The following RSRC1 variants were observed in gnomAD, a reference collection of about 807,000 sequenced individuals.
RSRC1 encodes the protein arginine and serine rich coiled-coil 1.
RSRC1 carries 39 observed loss-of-function variants against 49.1 expected under a neutral mutation model. The ratio of observed to expected loss-of-function variants is 0.79; its 90% CI spans 0.61 to 1.04. The LOEUF is 1.04. RSRC1 is among the 50% of genes least tolerant of loss of function. The probability of loss-of-function intolerance (pLI) is 0.00; values close to 1 mark genes in which losing one functional copy is unlikely to be tolerated. For synonymous variants in RSRC1, 143 were observed against 130.8 expected (o/e 1.09, Z -0.63); for missense variants, 388 against 402.4 (o/e 0.96, Z 0.31).
chr3:158,443,810 G>C (rs778126351), intron 6 of RSRC1, among the ~76,000 whole-genome samples: 8 of 152,156 alleles, frequency 5.3e-5, no homozygotes, highest in Non-Finnish European at 1.2e-4. Context: ...TTCATATGAA[G>C]TGAGAGATGT....
chr3:158,458,616 T>C (rs1737464060), intron 6 of RSRC1, among the ~76,000 whole-genome samples: 1 of 152,136 alleles, frequency 6.6e-6, no homozygotes, highest in Non-Finnish European at 1.5e-5. Context: ...CTGGAACTTG[T>C]GTACAAGATT....
intron 7 of RSRC1, among the ~76,000 whole-genome samples, chr3:158,466,242 C>G (rs558690154): frequency 3.3e-5 from 5 of 152,212 alleles, no homozygotes; most frequent in African/African-American, 1.2e-4. Flanking sequence ...CATACACATT[C>G]AGCTATACTC....
At chr3:158,277,894 C>A (rs1725906920) in intron 4 of RSRC1, among the ~76,000 whole-genome samples, 1 of 152,152 alleles carries the variant, frequency 6.6e-6, no homozygotes, top group Non-Finnish European at 1.5e-5. Context: ...TGAAGCAATC[C>A]TCTCACTCAG....
At chr3:158,152,541 G>C (rs1282604371) in intron 3 of RSRC1, among the ~76,000 whole-genome samples, 1 of 152,100 alleles carries the variant, frequency 6.6e-6, no homozygotes, top group Non-Finnish European at 1.5e-5. Context: ...AATAAAAGCT[G>C]TACCAATAAA....
At chr3:158,291,027 A>G (rs375882776) in intron 4 of RSRC1, among the ~76,000 whole-genome samples, 258 of 152,196 alleles carry the variant, frequency 1.7e-3, no homozygotes, top group African/African-American at 5.2e-3. Flanking sequence ...GGCCCTACCT[A>G]TCTCTACAAA....
chr3:158,425,307 A>G (rs761026468), intron 6 of RSRC1, among the ~76,000 whole-genome samples: 2 of 152,050 alleles, frequency 1.3e-5, no homozygotes, highest in African/African-American at 2.4e-5. Context: ...TTCAAAGAAC[A>G]TCTTTATTTC....
chr3:158,440,051 T>A (rs780926993), intron 6 of RSRC1, among the ~76,000 whole-genome samples: 7 of 151,994 alleles, frequency 4.6e-5, no homozygotes, highest in Non-Finnish European at 1.0e-4. Context: ...GGTTGATAGG[T>A]GCAGCAAACT....
chr3:158,158,809 T>C (rs1302382979), intron 3 of RSRC1, among the ~76,000 whole-genome samples: 1 of 151,952 alleles, frequency 6.6e-6, no homozygotes, highest in East Asian at 1.9e-4. Context: ...CCTGGTGGCC[T>C]GTGCCTGTAA....
At chr3:158,528,226 A>G (rs908609759) in intron 7 of RSRC1, among the ~76,000 whole-genome samples, 1 of 151,970 alleles carries the variant, frequency 6.6e-6, no homozygotes, top group African/African-American at 2.4e-5. Flanking sequence ...GCAGTAATTT[A>G]TGAGCTCAGC....
intron 4 of RSRC1, among the ~76,000 whole-genome samples, chr3:158,242,262 C>G (rs1723640570): frequency 6.6e-6 from 1 of 151,934 alleles, no homozygotes; most frequent in Non-Finnish European, 1.5e-5. Context: ...TCCATGTATT[C>G]TCATCATTCA....
chr3:158,110,489 T>C (rs1010493260), intron 1 of RSRC1: 4 of 152,632 alleles, frequency 2.6e-5, no homozygotes, highest in Admixed American at 2.0e-4. Flanking sequence ...CTTGAGGACA[T>C]GTCGGAGAGT....
chr3:158,318,781 T>C (rs1273853979), intron 5 of RSRC1, among the ~76,000 whole-genome samples: 1 of 152,232 alleles, frequency 6.6e-6, no homozygotes, highest in Non-Finnish European at 1.5e-5. Flanking sequence ...ACATTACACA[T>C]TCTGTTAAGG....
chr3:158,535,978 C>A (rs1712690011), intron 7 of RSRC1, among the ~76,000 whole-genome samples: 1 of 151,376 alleles, frequency 6.6e-6, no homozygotes, highest in South Asian at 2.1e-4. Flanking sequence ...GATAGAGTAT[C>A]ACCATTTTAC....
chr3:158,176,254 C>T (rs1366380060), intron 3 of RSRC1, among the ~76,000 whole-genome samples: 1 of 152,164 alleles, frequency 6.6e-6, no homozygotes, highest in Non-Finnish European at 1.5e-5. Context: ...TCAGTGCCAT[C>T]CCCATCAAGT....
At chr3:158,489,648 T>C (rs565765437) in intron 7 of RSRC1, among the ~76,000 whole-genome samples, 2 of 152,208 alleles carry the variant, frequency 1.3e-5, no homozygotes, top group African/African-American at 4.8e-5. Flanking sequence ...AAATTTAGTG[T>C]GATGTATGTT....
intron 7 of RSRC1, among the ~76,000 whole-genome samples, chr3:158,497,964 G>T (rs1739426062): frequency 6.6e-6 from 1 of 152,086 alleles, no homozygotes; most frequent in Admixed American, 6.6e-5. Context: ...TTATCCACTT[G>T]TTGATTGATG....
At chr3:158,136,118 T>C (rs911818062) in intron 3 of RSRC1, among the ~76,000 whole-genome samples, 10 of 152,210 alleles carry the variant, frequency 6.6e-5, no homozygotes, top group Non-Finnish European at 1.5e-4. Context: ...TTTGAAATTA[T>C]AGAAGGTGGC....
Position 158,223,807 on chromosome 3 carries a change from T to C in RSRC1, c.494+20562T>C, listed in dbSNP as rs568316009. On this transcript the variant is annotated intron_variant, in intron 4 of 9. Transcript: ENST00000611884. ...TCAAGATGCTGTAGCCACACTGTTC[T>C]TTCCATTCTCTAGACCTTTGCAATT... Among the ~76,000 whole-genome samples the C allele has an allele frequency of 1.5e-4, 23 of 151,876 alleles. No individual in the cohort carries two copies. The South Asian group carries it at 4.8e-3, about 32-fold the overall frequency.
intron 7 of RSRC1, among the ~76,000 whole-genome samples, chr3:158,500,411 C>G (rs573072303): frequency 6.6e-6 from 1 of 152,158 alleles, no homozygotes; most frequent in East Asian, 1.9e-4. Context: ...CCTACTTTCT[C>G]TGTCTTGAGG....
Sources: allele counts gnomAD v4.1 joint callset (sites outside exome capture counted in the v4.1 genomes callset), GRCh38; gene constraint gnomAD v4.1.1; transcripts MANE v1.5; gene names NCBI Gene and HGNC (gene_info 2026-07-23, HGNC 2026-07-21).